Variants in ATXN2 observed in about 807,000 individuals in gnomAD.
ATXN2 encodes the protein ataxin-2.
In ATXN2, 37 loss-of-function variants were observed where a neutral mutation model predicts 138.6. The ratio of observed to expected loss-of-function variants is 0.27; its 90% CI spans 0.21 to 0.35. The LOEUF (loss-of-function observed/expected upper bound fraction) is 0.35, where lower values mean the gene tolerates loss of function less well. Ranked by LOEUF, ATXN2 falls within the 10% of genes least tolerant of loss-of-function variation. The probability of loss-of-function intolerance (pLI) is 1.00; values close to 1 mark genes in which losing one functional copy is unlikely to be tolerated. For synonymous variants in ATXN2, 549 were observed against 543.7 expected, an observed-to-expected ratio of 1.01 and a Z score of -0.13; for missense variants, 1,216 against 1,480.3, an observed-to-expected ratio of 0.82 and a Z score of 2.93.
intron 17 of ATXN2, 67 bp from the exon 18 acceptor site, chr12:111,485,398 T>G (rs1313382460): frequency 3.5e-6 from 5 of 1,436,448 alleles, no homozygotes; most frequent in Non-Finnish European, 4.8e-6. Flanking sequence ...TCTGTCACTC[T>G]TAGTTTTATA....
At chr12:111,596,807 T>G (rs897903244) in intron 1 of ATXN2, among the ~76,000 whole-genome samples, 1 of 152,184 alleles carries the variant, frequency 6.6e-6, no homozygotes, top group African/African-American at 2.4e-5. Context: ...AAAAAAGACC[T>G]TGTGGTACTA....
intron 1 of ATXN2, among the ~76,000 whole-genome samples, chr12:111,574,749 T>G (rs1883539425): frequency 6.6e-6 from 1 of 152,158 alleles, no homozygotes; most frequent in Non-Finnish European, 1.5e-5. Flanking sequence ...TTTTCCGTTT[T>G]TCATACTGTT....
intron 10 of ATXN2, among the ~76,000 whole-genome samples, chr12:111,515,683 G>A (rs558243262): frequency 6.6e-6 from 1 of 152,284 alleles, no homozygotes; most frequent in East Asian, 1.9e-4. Context: ...TCTAAGGGCA[G>A]ACACGCAAAG....
intron 21 of ATXN2, among the ~76,000 whole-genome samples, chr12:111,459,390 C>A (rs1250677879): frequency 6.6e-6 from 1 of 152,154 alleles, no homozygotes; most frequent in African/African-American, 2.4e-5. Flanking sequence ...ATGTAAATTT[C>A]GAACCTGAGT....
rs1874755926 is a variant in ATXN2, at chr12:111,452,819, T to A, written c.3461A>T (p.Gln1154Leu). 6.2e-7 allele frequency: 1 copy of A among 1,613,836 alleles called. No individual in the cohort carries two copies. The highest frequency in any genetic ancestry group is 1.7e-5 in the Admixed American group (1 of 59,978). Reference protein sequence around the residue: ...HPSVQAHHQQQL With the variant: ...HPSVQAHHQQLL ...GGTTCCTCCAGGGCAGCCTTACAACTGCTGTTGGTGGTGGGCTTGTACTGT... is the reference window on the plus strand; with the variant it reads ...GGTTCCTCCAGGGCAGCCTTACAACAGCTGTTGGTGGTGGGCTTGTACTGT... The change falls in exon 25 of 25, where the codon CAG (glutamine) becomes CTG (leucine). Residue 1154 changes from glutamine to leucine, a missense_variant. Physicochemically the swap from Gln to Leu is moderately radical, Grantham distance 113. Transcript: ENST00000673436.
At chr12:111,551,291 G>A (rs1271107694) in intron 5 of ATXN2, among the ~76,000 whole-genome samples, 1 of 138,254 alleles carries the variant, frequency 7.2e-6, no homozygotes, top group Non-Finnish European at 1.5e-5. Context: ...ACAAGACTCC[G>A]TCTCAAAAAA....
In ATXN2 at chr12:111,456,034, G is replaced by T; in HGVS notation, c.3265C>A (p.Pro1089Thr). The T allele has an allele frequency of 6.2e-7, 1 of 1,614,048 alleles. No homozygotes were observed. Among genetic ancestry groups the T allele is most frequent in the Non-Finnish European group, 8.5e-7 (1 of 1,179,888 alleles). Residue 1089 changes from proline to threonine, a missense_variant, in exon 23 of 25, where the codon CCT (proline) becomes ACT (threonine). Transcript: ENST00000673436. ...TTGGCTAAAGCTGGTATTACCTGAG[G>T]TACGTGGGCCATGTGGGGTGGGTTG... ...YTNPPHMAHV[P>T]QAHVQSGMVP...
chr12:111,592,494 C>T (rs182929588), intron 1 of ATXN2, among the ~76,000 whole-genome samples: 40 of 151,210 alleles, frequency 2.6e-4, no homozygotes, highest in Admixed American at 2.4e-3. Flanking sequence ...TAAAAAGATA[C>T]GGCAGCGGCC....
chr12:111,570,511 G>A (rs1240390116), intron 1 of ATXN2, among the ~76,000 whole-genome samples: 1 of 151,938 alleles, frequency 6.6e-6, no homozygotes, highest in Non-Finnish European at 1.5e-5. Context: ...TTTCAGTGAG[G>A]ACCCCCTCCA....
intron 6 of ATXN2, among the ~76,000 whole-genome samples, chr12:111,521,850 A>C (rs1880174793): frequency 6.6e-6 from 1 of 152,356 alleles, no homozygotes; most frequent in Admixed American, 6.5e-5. Context: ...CTGAGGCTGC[A>C]TTCTTTAACG....
intron 5 of ATXN2, among the ~76,000 whole-genome samples, chr12:111,543,151 T>C (rs1308488444): frequency 6.6e-6 from 1 of 152,154 alleles, no homozygotes; most frequent in African/African-American, 2.4e-5. Context: ...TAAGTGCCAC[T>C]CTCCAGTTAC....
At chr12:111,477,770 T>A (rs975699739) in intron 18 of ATXN2, among the ~76,000 whole-genome samples, 4 of 152,100 alleles carry the variant, frequency 2.6e-5, no homozygotes, top group African/African-American at 9.7e-5. Context: ...TTTTTCTTTT[T>A]TTTGTGAGAC....
intron 5 of ATXN2, among the ~76,000 whole-genome samples, chr12:111,530,613 G>T (rs1299488603): frequency 6.6e-6 from 1 of 152,222 alleles, no homozygotes; most frequent in Middle Eastern, 3.2e-3. Flanking sequence ...AGGAGATCAA[G>T]ACCATCCTGG....
At position 111,456,289 on chromosome 12, in the gene ATXN2, ACTT is replaced by A. The variant is rs765985507; in HGVS notation, c.3043-36_3043-34del. On this transcript the variant is annotated intron_variant, in intron 22 of 24. Transcript: ENST00000673436. ...GCGACAGGAAAGAATTGAGAGGAAAACTTCTTTAATGAAAAGCAGCCAAGGGAT... is the reference window on the plus strand; with the variant it reads ...GCGACAGGAAAGAATTGAGAGGAAAACTTTAATGAAAAGCAGCCAAGGGAT... 3.1e-6 allele frequency: 5 copies of A among 1,610,040 alleles called. No homozygotes were observed. The African/African-American group carries it at 5.3e-5, about 17-fold the overall frequency.
At chr12:111,592,211 G>C (rs949657230) in intron 1 of ATXN2, among the ~76,000 whole-genome samples, 3 of 152,002 alleles carry the variant, frequency 2.0e-5, no homozygotes, top group Admixed American at 1.3e-4. Flanking sequence ...CCAACATGGT[G>C]AAACTCCATA....
chr12:111,510,258 T>A, intron 12 of ATXN2, 127 bp downstream of exon 12: 3 of 1,093,154 alleles, frequency 2.7e-6, no homozygotes, highest in East Asian at 4.8e-5. Context: ...TTACATAAAC[T>A]TTTAAATGTG....
At chr12:111,568,390 A>T (rs1201119183) in intron 1 of ATXN2, among the ~76,000 whole-genome samples, 1 of 152,016 alleles carries the variant, frequency 6.6e-6, no homozygotes, top group Non-Finnish European at 1.5e-5. Context: ...CTCATCCATC[A>T]CCATTTTTCA....
chr12:111,559,623 T>C (rs1231509609), intron 1 of ATXN2, among the ~76,000 whole-genome samples: 1 of 150,730 alleles, frequency 6.6e-6, no homozygotes, highest in African/African-American at 2.4e-5. Context: ...AATAGAAAAA[T>C]TAGCCAGGCG....
chr12:111,469,750 C>T (rs1055691081), intron 20 of ATXN2: 11 of 296,728 alleles, frequency 3.7e-5, no homozygotes, highest in Non-Finnish European at 5.5e-5. Flanking sequence ...TGGAGAACAC[C>T]TTTATGCTTT....
Sources: gnomAD v4.1 joint callset for allele counts (sites outside exome capture counted in the v4.1 genomes callset) on GRCh38, gnomAD v4.1.1 for gene constraint, MANE v1.5 for transcripts, NCBI Gene and HGNC (gene_info 2026-07-23, HGNC 2026-07-21) for gene names.